MXRA8: variants seen among roughly 807,000 people sequenced by gnomAD.
The protein encoded by MXRA8 is matrix remodeling associated 8, also known as matrix remodeling-associated protein 8.
Under a neutral mutation model 51.4 loss-of-function variants are expected in MXRA8, and 44 were observed. That is an observed-to-expected ratio of 0.86 (90% CI 0.67 to 1.10). MXRA8 has a LOEUF of 1.10. MXRA8 is among the 50% of genes least tolerant of loss of function. The probability of loss-of-function intolerance (pLI) is 0.00; values close to 1 mark genes in which losing one functional copy is unlikely to be tolerated. For missense variants in MXRA8, 765 were observed against 638.9 expected, an observed-to-expected ratio of 1.20 and a Z score of -2.13; for synonymous variants, 369 against 293.5, an observed-to-expected ratio of 1.26 and a Z score of -2.63.
intron 4 of MXRA8, 34 bp from the exon 5 acceptor site, chr1:1,355,186 C>CG: frequency 1.1e-6 from 1 of 893,232 alleles, no homozygotes. Flanking sequence ...GCGCGCGGGC[C>CG]GGGGCGGCGG....
Position 1,356,239 on chromosome 1 carries a change from T to C in MXRA8, c.73+442A>G, listed in dbSNP as rs1201365028. 4.9e-4 allele frequency among the ~76,000 whole-genome samples: 18 copies of C among 37,030 alleles called. No individual in the cohort carries two copies. In the East Asian group the frequency reaches 0.013, roughly 27 times the overall value. The allele number at this position is 37,030 out of a possible 152,430, so 24.3% of individuals were successfully genotyped here. ...GAGGGCCCTGGCAGGGGAGGGGGAG[T>C]CCATGGGGGAGGGCAAGTCAGTCGG... On this transcript the variant is annotated intron_variant, in intron 2 of 9. Transcript: ENST00000309212.
At position 1,355,631 on chromosome 1, in the gene MXRA8, C is replaced by A. The variant is rs2100808336; in HGVS notation, c.195G>T (p.Arg65=). Residue 65 remains arginine, a synonymous_variant, in exon 3 of 10, where the codon CGG becomes CGT. Transcript: ENST00000309212. ...GGAGCACGCGCTGGCGGTCGTGCAG[C>A]CGGTCCTGGGTCCACACCATGCGCG... ...QSPRMVWTQD[R]LHDRQRVLHW... is the part of the protein sequence containing the mutation. 2.7e-6 allele frequency: 4 copies of A among 1,466,298 alleles called. No individual in the cohort carries two copies. The highest frequency in any genetic ancestry group is 3.6e-6 in the Non-Finnish European group (4 of 1,115,478). 90.8% of individuals were successfully genotyped at this position (1,466,298 alleles called of 1,614,324 possible).
At chr1:1,358,836 C>T (rs1644183596), upstream of MXRA8, 3 of 1,107,760 alleles carry the variant, frequency 2.7e-6, no homozygotes, top group South Asian at 3.3e-5. Context: ...GTCTAGGAGC[C>T]TCCCGGGCCT....
rs36013061 is a variant in MXRA8, at chr1:1,353,141, C to T, written c.*463G>A. On this transcript the variant is annotated 3_prime_UTR_variant, in exon 10 of 10. Transcript: ENST00000309212. Reference sequence around the variant, plus strand: ...AGTGGGACTCCTGCCGAGGCTGACCCCAACTTCAAGGCTGCCAAGTTCTGA... The same window carrying T: ...AGTGGGACTCCTGCCGAGGCTGACCTCAACTTCAAGGCTGCCAAGTTCTGA... 3.2e-3 allele frequency: 2,690 copies of T among 849,966 alleles called. 61 individuals are homozygous for T. The African/African-American group carries it at 0.041, about 13-fold the overall frequency. 52.7% of individuals were successfully genotyped at this position (849,966 alleles called of 1,614,324 possible). A position where few individuals can be genotyped will look rare whatever the true frequency, so the allele number is the denominator to read the frequency against.
upstream of MXRA8, chr1:1,358,651 T>C: frequency 7.1e-7 from 1 of 1,411,990 alleles, no homozygotes; most frequent in East Asian, 2.8e-5. Context: ...CCCCTCTGGC[T>C]CCTGCCGGGC....
In MXRA8 at chr1:1,355,034, C is replaced by T. The variant is rs1181267981; in HGVS notation, c.597G>A (p.Glu199=). ...RGHVWTDRHV[E]EAQQVVHWDR... Reference sequence around the variant, plus strand: ...CCCAGTGCACCACCTGTTGAGCCTCCTCCACGTGCCGGTCGGTCCACACGT... The same window carrying T: ...CCCAGTGCACCACCTGTTGAGCCTCTTCCACGTGCCGGTCGGTCCACACGT... The change falls in exon 5 of 10, where the codon GAG becomes GAA. Residue 199 remains glutamate, a synonymous_variant. Coordinates refer to ENST00000309212, the MANE Select transcript of MXRA8 (RefSeq NM_032348.4). The T allele has an allele frequency of 1.9e-6, 3 of 1,608,122 alleles. No individual in the cohort carries two copies. The Admixed American group carries it at 5.0e-5, about 27-fold the overall frequency.
At chr1:1,356,763 C>T (rs963147680) in intron 1 of MXRA8, 59 bp from the exon 2 acceptor site, 146 of 1,317,144 alleles carry the variant, frequency 1.1e-4, no homozygotes, top group Non-Finnish European at 1.4e-4. Flanking sequence ...CCCCGAGACC[C>T]CCCACTTGGC....
intron 9 of MXRA8, 44 bp from the exon 10 acceptor site, chr1:1,353,673 C>G: frequency 6.5e-7 from 1 of 1,543,094 alleles, no homozygotes; most frequent in Non-Finnish European, 8.8e-7. Context: ...GTCCTCCACC[C>G]TCATCACAGT....
At position 1,355,575 on chromosome 1, in the gene MXRA8, G is replaced by A. The variant is rs1644108234; in HGVS notation, c.251C>T (p.Pro84Leu). The change falls in exon 3 of 10, where the codon CCC (proline) becomes CTC (leucine). Residue 84 changes from proline to leucine, a missense_variant. Coordinates refer to ENST00000309212, the MANE Select transcript of MXRA8 (RefSeq NM_032348.4). ...GTACAAGTCCAGCAGGCGCCGCGCG[G>A]GGCCACCCCCGGGGCCGCGCAGGTC... ...HWDLRGPGGG[P>L]ARRLLDLYSA... 3 of 1,479,820 alleles carry A rather than the reference G, an allele frequency of 2.0e-6. No homozygotes were observed. The highest frequency in any genetic ancestry group is 5.8e-5 in the East Asian group (2 of 34,400). 91.7% of individuals were successfully genotyped at this position (1,479,820 alleles called of 1,614,324 possible).
chr1:1,361,126 G>T, upstream of MXRA8: 1 of 697,162 alleles, frequency 1.4e-6, no homozygotes, highest in South Asian at 1.5e-5. Flanking sequence ...TGCACATGAA[G>T]ACACACGGAC....
In MXRA8 at chr1:1,354,754, C is replaced by A. The variant is rs977142394; in HGVS notation, c.877G>T (p.Glu293Ter). The change falls in exon 5 of 10, where the codon GAA becomes TAA. Residue 293 changes from glutamate (E) to a stop codon, truncating the protein, a stop_gained. Transcript: ENST00000309212. LOFTEE classifies it high-confidence loss of function. ...ERRVFHLTVAEPHAEPPPRGS... is the reference protein window; with the variant it reads ...ERRVFHLTVA ...CGGGGGGGCGGCTCCGCGTGGGGTT[C>A]GGCGACCGTCAGGTGGAAGACGCGG... The A allele has an allele frequency of 1.9e-6, 3 of 1,610,874 alleles. No homozygotes were observed. The highest frequency in any genetic ancestry group is 1.7e-6 in the Non-Finnish European group (2 of 1,179,178).
upstream of MXRA8, among the ~76,000 whole-genome samples, chr1:1,360,979 C>A (rs1440900408): frequency 2.4e-5 from 1 of 41,184 alleles, no homozygotes; most frequent in Non-Finnish European, 4.9e-5. Context: ...CAGAGATACA[C>A]GGAAACACAG....
At chr1:1,359,166 A>G (rs1276378676), upstream of MXRA8, 1 of 985,374 alleles carries the variant, frequency 1.0e-6, no homozygotes. Context: ...TCAGCCAGGG[A>G]CAGGGGACCC....
In MXRA8 at chr1:1,353,206, C is replaced by T. The variant is rs537952484; in HGVS notation, c.*398G>A. 91 of 1,262,764 alleles carry T rather than the reference C, an allele frequency of 7.2e-5. No homozygotes were observed. The highest frequency in any genetic ancestry group is 1.8e-4 in the Middle Eastern group (1 of 5,428). The allele number at this position is 1,262,764 out of a possible 1,614,324, so 78.2% of individuals were successfully genotyped here. ...TCCAGGAACATCTCCCAGCCCCCGA[C>T]GAGCAGAGCCCTGGAGGAGTGGGAC... On this transcript the variant is annotated 3_prime_UTR_variant, in exon 10 of 10. Transcript: ENST00000309212.
chr1:1,355,144 T>C lies in MXRA8; in HGVS notation c.487A>G (p.Thr163Ala), dbSNP rs1405742056. The C allele has an allele frequency of 4.8e-6, 6 of 1,254,734 alleles. No individual in the cohort carries two copies. The African/African-American group carries it at 9.2e-5, about 19-fold the overall frequency. The allele number at this position is 1,254,734 out of a possible 1,614,324, so 77.7% of individuals were successfully genotyped here. Reference sequence around the variant, plus strand: ...TTCTCGCCGTCCCAGTAGGCGGGGGTGGCCGGGGCTGCGGAGGGGGCGCGG... The same window carrying C: ...TTCTCGCCGTCCCAGTAGGCGGGGGCGGCCGGGGCTGCGGAGGGGGCGCGG... Reference protein sequence around the residue: ...RLEVTDGPPATPAYWDGEKEV... With the variant: ...RLEVTDGPPAAPAYWDGEKEV... Residue 163 changes from threonine (T) to alanine (A), a missense_variant, in exon 5 of 10, where the codon ACC (threonine) becomes GCC (alanine). By Grantham distance (58) the Thr-to-Ala change is moderately conservative. Coordinates refer to ENST00000309212, the MANE Select transcript of MXRA8 (RefSeq NM_032348.4).
Position 1,353,101 on chromosome 1 carries a change from C to CCGT in MXRA8, c.*502_*503insACG. 3.0e-6 allele frequency: 2 copies of CCGT among 657,464 alleles called. No homozygotes were observed. Among genetic ancestry groups the CCGT allele is most frequent in the African/African-American group, 1.8e-5 (1 of 54,374 alleles). 40.7% of individuals were successfully genotyped at this position (657,464 alleles called of 1,614,324 possible). A position where few individuals can be genotyped will look rare whatever the true frequency, so the allele number is the denominator to read the frequency against. On this transcript the variant is annotated 3_prime_UTR_variant, in exon 10 of 10. Coordinates refer to ENST00000309212, the MANE Select transcript of MXRA8 (RefSeq NM_032348.4). ...AGGTGGGGGAGCTCTCGGTGGCAGG[C>CCGT]AGCACCCCAGGAGGAGTGGGACTCC... is the stretch of plus-strand genomic sequence containing the variant.
upstream of MXRA8, among the ~76,000 whole-genome samples, chr1:1,360,527 G>T (rs1175705227): frequency 1.4e-4 from 16 of 111,670 alleles, no homozygotes; most frequent in East Asian, 1.8e-3. Flanking sequence ...AGCTGTGGGT[G>T]TGTGACTTAA....
At chr1:1,358,357 C>A (rs1487277101) in intron 1 of MXRA8, 99 bp downstream of exon 1, 2 of 1,353,596 alleles carry the variant, frequency 1.5e-6, no homozygotes, top group African/African-American at 1.5e-5. Flanking sequence ...GACCTTCCCA[C>A]TCCTCCTGGC....
chr1:1,358,480 G>A lies in MXRA8; in HGVS notation c.25C>T (p.Leu9Phe), dbSNP rs753426127. ...CTCTGCAGAAGCACAAGTTTCCAAA[G>A]CAGGATTCGGGATGGCAGCGCCATG... MALPSRILLWKLVLLQSSA... is the reference protein window; with the variant it reads MALPSRILFWKLVLLQSSA... Residue 9 changes from leucine to phenylalanine, a missense_variant, in exon 1 of 10, where the codon CTT becomes TTT. Transcript: ENST00000309212. 3 of 1,612,942 alleles carry A rather than the reference G, an allele frequency of 1.9e-6. No homozygotes were observed. The South Asian group carries it at 3.3e-5, about 18-fold the overall frequency.
Sources: gnomAD v4.1 joint callset for allele counts (sites outside exome capture counted in the v4.1 genomes callset) on GRCh38, gnomAD v4.1.1 for gene constraint, MANE v1.5 for transcripts, NCBI Gene and HGNC (gene_info 2026-07-23, HGNC 2026-07-21) for gene names.